TLN2: variants seen among roughly 807,000 people sequenced by gnomAD.
The protein encoded by TLN2 is talin-2.
TLN2 carries 118 observed loss-of-function variants against 294.7 expected under a neutral mutation model. The ratio of observed to expected loss-of-function variants is 0.40; its 90% confidence interval spans 0.34 to 0.47. The LOEUF (loss-of-function observed/expected upper bound fraction) is 0.47, where lower values mean the gene tolerates loss of function less well. Ranked by LOEUF, TLN2 falls within the 20% of genes least tolerant of loss-of-function variation. The pLI, the probability that TLN2 is intolerant of heterozygous loss-of-function variation, is 0.84. For missense variants in TLN2, 3,083 were observed against 3,282.2 expected (o/e 0.94, Z 1.48); for synonymous variants, 1,431 against 1,304.5 (o/e 1.10, Z -2.09).
chr15:62,641,519 G>A (rs1288998563), intron 3 of TLN2, among the ~76,000 whole-genome samples: 1 of 152,034 alleles, frequency 6.6e-6, no homozygotes, highest in Non-Finnish European at 1.5e-5. Context: ...GGGAGGCTGA[G>A]GCAGGAGAAT....
intron 1 of TLN2, among the ~76,000 whole-genome samples, chr15:62,484,972 A>C (rs2140393297): frequency 6.6e-6 from 1 of 152,298 alleles, no homozygotes; most frequent in South Asian, 2.1e-4. Flanking sequence ...TTCCTTCAGG[A>C]AGCTCCAAGG....
chr15:62,785,230 G>A (rs1304801401), intron 45 of TLN2, among the ~76,000 whole-genome samples: 1 of 152,030 alleles, frequency 6.6e-6, no homozygotes, highest in Non-Finnish European at 1.5e-5. Flanking sequence ...CTTTACACAG[G>A]CCTATCATTT....
chr15:62,529,356 T>C (rs2040913541), intron 1 of TLN2, among the ~76,000 whole-genome samples: 1 of 152,134 alleles, frequency 6.6e-6, no homozygotes, highest in Non-Finnish European at 1.5e-5. Context: ...GGCCTTGTGT[T>C]GGTATTACAC....
At chr15:62,581,045 G>A (rs551013406) in intron 1 of TLN2, among the ~76,000 whole-genome samples, 15 of 151,734 alleles carry the variant, frequency 9.9e-5, no homozygotes, top group African/African-American at 2.2e-4. Flanking sequence ...CACCATGCCC[G>A]GCTAATTTTT....
intron 12 of TLN2, among the ~76,000 whole-genome samples, chr15:62,691,647 A>T (rs1427915870): frequency 2.0e-5 from 3 of 151,956 alleles, no homozygotes; most frequent in South Asian, 4.2e-4. Flanking sequence ...ATGAATATTT[A>T]TTTTTTTAAG....
rs540231241 is a variant in TLN2 at position 62,662,528 on chromosome 15, C to T, written c.788+4630C>T. Among the ~76,000 whole-genome samples the T allele has an allele frequency of 9.9e-5, 15 of 152,210 alleles. No individual in the cohort carries two copies. The South Asian group carries it at 2.7e-3, about 27-fold the overall frequency. ...AACTAAGTCCAACATGACATATGTG[C>T]GTGTGTAAGTGCAAATTATAACTAA... On this transcript the variant is annotated intron_variant, in intron 9 of 58. Transcript: ENST00000636159.
At chr15:62,474,049 T>C (rs2037647107) in intron 1 of TLN2, among the ~76,000 whole-genome samples, 1 of 152,126 alleles carries the variant, frequency 6.6e-6, no homozygotes, top group African/African-American at 2.4e-5. Flanking sequence ...AGCCCAGACA[T>C]GTGCCTTTGA....
chr15:62,394,269 A>G (rs916664637), intron 1 of TLN2, among the ~76,000 whole-genome samples: 1 of 152,144 alleles, frequency 6.6e-6, no homozygotes, highest in Admixed American at 6.6e-5. Context: ...AGTTTCTACA[A>G]CTTGTGATCT....
At chr15:62,768,772 A>G (rs2063174470) in intron 41 of TLN2, among the ~76,000 whole-genome samples, 1 of 152,236 alleles carries the variant, frequency 6.6e-6, no homozygotes, top group Non-Finnish European at 1.5e-5. Context: ...GCCTTCAAAA[A>G]GCTTTGCCTG....
chr15:62,477,914 A>AG (rs1289164493), intron 1 of TLN2, among the ~76,000 whole-genome samples: 2 of 10,272 alleles, frequency 1.9e-4, no homozygotes, highest in Admixed American at 8.2e-4. Context: ...GGGGGGGTGC[A>AG]GCGGGGGCAG....
At chr15:62,511,459 C>T (rs997941008) in intron 1 of TLN2, among the ~76,000 whole-genome samples, 3 of 152,140 alleles carry the variant, frequency 2.0e-5, no homozygotes, top group South Asian at 4.1e-4. Context: ...TCCCATAGTG[C>T]ATTTTATTTG....
chr15:62,720,186 G>A (rs868623042), intron 25 of TLN2, among the ~76,000 whole-genome samples: 2 of 152,214 alleles, frequency 1.3e-5, no homozygotes, highest in Non-Finnish European at 2.9e-5. Flanking sequence ...GTGATGAACA[G>A]CCTAGGACTA....
chr15:62,561,380 C>T (rs1161571290), intron 1 of TLN2: 1 of 152,250 alleles, frequency 6.6e-6, no homozygotes, highest in African/African-American at 2.4e-5. Flanking sequence ...TTTCCTCAAG[C>T]TCCCTCCTTA....
At chr15:62,487,982 G>A (rs1396308480) in intron 1 of TLN2, among the ~76,000 whole-genome samples, 1 of 152,098 alleles carries the variant, frequency 6.6e-6, no homozygotes, top group Non-Finnish European at 1.5e-5. Flanking sequence ...GGAGGCTGAA[G>A]TGGGAGGATC....
intron 4 of TLN2, among the ~76,000 whole-genome samples, chr15:62,648,545 ATT>A (rs749151123): frequency 0.042 from 5,028 of 120,488 alleles, 216 homozygotes; most frequent in African/African-American, 0.15. Flanking sequence ...GATGATGACG[ATT>A]TTTTTTTTTT....
chr15:62,785,524 C>T (rs368644430), intron 45 of TLN2, among the ~76,000 whole-genome samples: 1 of 152,024 alleles, frequency 6.6e-6, no homozygotes, highest in Non-Finnish European at 1.5e-5. Context: ...TGATGGTGTG[C>T]GCCTGTAATC....
intron 44 of TLN2, among the ~76,000 whole-genome samples, chr15:62,781,600 G>A (rs899468601): frequency 6.6e-6 from 1 of 152,150 alleles, no homozygotes; most frequent in East Asian, 1.9e-4. Context: ...AAGGACTTGA[G>A]GTGTTTTTAG....
chr15:62,548,354 T>C (rs2042109728), intron 1 of TLN2, among the ~76,000 whole-genome samples: 1 of 152,134 alleles, frequency 6.6e-6, no homozygotes, highest in African/African-American at 2.4e-5. Context: ...TAAAATGGGA[T>C]GGAAAAGTAG....
At chr15:62,395,393 A>G (rs1432433800) in intron 1 of TLN2, among the ~76,000 whole-genome samples, 1 of 152,104 alleles carries the variant, frequency 6.6e-6, no homozygotes, top group African/African-American at 2.4e-5. Flanking sequence ...AAATTTAAAA[A>G]CAGATATTAT....
Sources: allele counts gnomAD v4.1 joint callset (sites outside exome capture counted in the v4.1 genomes callset), GRCh38; gene constraint gnomAD v4.1.1; transcripts MANE v1.5; gene names NCBI Gene and HGNC (gene_info 2026-07-23, HGNC 2026-07-21).